The following ASIC5 variants were observed in gnomAD, a reference collection of about 807,000 sequenced individuals.
ASIC5 encodes the protein acid sensing ion channel subunit family member 5, also known as bile acid-sensitive ion channel.
A neutral mutation model predicts 51.2 loss-of-function variants in ASIC5; 52 were observed. The ratio of observed to expected loss-of-function variants is 1.02; its 90% CI spans 0.81 to 1.28. The LOEUF (loss-of-function observed/expected upper bound fraction) is 1.28. ASIC5 is among the 50% of genes most tolerant of loss of function. ASIC5 has a pLI of 0.00. For synonymous variants in ASIC5, 231 were observed against 200.7 expected (o/e 1.15, Z -1.28); for missense variants, 635 against 595.0 (o/e 1.07, Z -0.70).
At chr4:155,861,919 C>A (rs1299482574) in intron 2 of ASIC5, among the ~76,000 whole-genome samples, 2 of 151,922 alleles carry the variant, frequency 1.3e-5, no homozygotes, top group Non-Finnish European at 2.9e-5. Flanking sequence ...TTTGTAATGA[C>A]CCAATTTTAA....
chr4:155,858,191 C>A (rs1428316240), intron 2 of ASIC5, among the ~76,000 whole-genome samples: 1 of 151,944 alleles, frequency 6.6e-6, no homozygotes, highest in East Asian at 1.9e-4. Context: ...AGAATTGATA[C>A]CAAAGAACCA....
At chr4:155,835,271 C>A (rs970602711) in intron 8 of ASIC5, among the ~76,000 whole-genome samples, 1 of 152,168 alleles carries the variant, frequency 6.6e-6, no homozygotes, top group South Asian at 2.1e-4. Context: ...AGCGCTCCCC[C>A]TGGCCTCTGC....
chr4:155,836,616 T>C lies in ASIC5; in HGVS notation c.1235+73A>G, dbSNP rs1286053598. Reference sequence around the variant, plus strand: ...ATTGATTAGAATTTCATTTCCTGAGTCTTTGAGGGTTTTCAATAAAGAAAA... The same window carrying C: ...ATTGATTAGAATTTCATTTCCTGAGCCTTTGAGGGTTTTCAATAAAGAAAA... On this transcript the variant is annotated intron_variant, in intron 8 of 9. Transcript: ENST00000537611. 3 of 887,252 alleles carry C rather than the reference T, an allele frequency of 3.4e-6. No individual in the cohort carries two copies. The African/African-American group carries it at 5.6e-5, about 17-fold the overall frequency. 55.0% of individuals were successfully genotyped at this position (887,252 alleles called of 1,614,324 possible).
rs571948312 is a variant in ASIC5, at chr4:155,863,857, C to T, written c.41-103G>A. 16 of 911,024 alleles carry T rather than the reference C, an allele frequency of 1.8e-5. No individual in the cohort carries two copies. The African/African-American group carries it at 2.2e-4, about 12-fold the overall frequency. The allele number at this position is 911,024 out of a possible 1,614,324, so 56.4% of individuals were successfully genotyped here. A position where few individuals can be genotyped will look rare whatever the true frequency, so the allele number is the denominator to read the frequency against. ...ACTCACATAATTTAAAGAGGTGACT[C>T]TTTTTACTTGTAATTCATAGAAACT... On this transcript the variant is annotated intron_variant, in intron 1 of 9. Transcript: ENST00000537611.
chr4:155,834,084 C>A (rs2111224878), intron 8 of ASIC5, among the ~76,000 whole-genome samples: 1 of 152,200 alleles, frequency 6.6e-6, no homozygotes, highest in Middle Eastern at 3.4e-3. Context: ...TAAGTTAAAA[C>A]AGAACAATTT....
chr4:155,836,829 T>G lies in ASIC5; in HGVS notation c.1095A>C (p.Thr365=). The change falls in exon 8 of 10, where the codon ACA becomes ACC. Residue 365 remains threonine (T), a synonymous_variant. Coordinates refer to ENST00000537611, the MANE Select transcript of ASIC5 (RefSeq NM_017419.3). ...GGCAGCTAGAGTTATGTGTTCCTACTGTACATAAATCCTTAAATTCAATGT... is the reference window on the plus strand; with the variant it reads ...GGCAGCTAGAGTTATGTGTTCCTACGGTACATAAATCCTTAAATTCAATGT... ...LDHIEFKDLC[T]VGTHNSSCPV... 8 of 1,604,274 alleles carry G rather than the reference T, an allele frequency of 5.0e-6. No homozygotes were observed. Among genetic ancestry groups the G allele is most frequent in the Non-Finnish European group, 6.8e-6 (8 of 1,174,066 alleles).
chr4:155,858,282 A>G (rs958412412), intron 2 of ASIC5, among the ~76,000 whole-genome samples: 2 of 152,044 alleles, frequency 1.3e-5, no homozygotes, highest in Non-Finnish European at 2.9e-5. Flanking sequence ...TATTCTTAGG[A>G]GTTTGTCTTT....
At chr4:155,832,473 T>G (rs1268838826) in intron 8 of ASIC5, among the ~76,000 whole-genome samples, 1 of 152,226 alleles carries the variant, frequency 6.6e-6, no homozygotes, top group Non-Finnish European at 1.5e-5. Flanking sequence ...TTAATGTCTG[T>G]TTGAAATCTT....
intron 6 of ASIC5, 129 bp from the exon 7 acceptor site, chr4:155,838,998 A>C (rs992200306): frequency 1.7e-6 from 1 of 582,434 alleles, no homozygotes; most frequent in African/African-American, 1.9e-5. Flanking sequence ...CTATATGAAC[A>C]TCTATTCTTT....
At chr4:155,833,182 G>A (rs1387200432) in intron 8 of ASIC5, among the ~76,000 whole-genome samples, 1 of 152,042 alleles carries the variant, frequency 6.6e-6, no homozygotes, top group Non-Finnish European at 1.5e-5. Context: ...ATGTAAAATG[G>A]ACAAATAAGG....
intron 4 of ASIC5, among the ~76,000 whole-genome samples, chr4:155,848,017 A>G (rs1741296777): frequency 6.6e-6 from 1 of 152,096 alleles, no homozygotes; most frequent in African/African-American, 2.4e-5. Flanking sequence ...GGCTTATGGA[A>G]GTTATATTTT....
At chr4:155,865,255 A>C (rs1741833018) in intron 1 of ASIC5, among the ~76,000 whole-genome samples, 1 of 152,090 alleles carries the variant, frequency 6.6e-6, no homozygotes, top group Admixed American at 6.6e-5. Flanking sequence ...CACCGTTATT[A>C]ATGTTGTTTT....
Position 155,852,262 on chromosome 4 carries a change from C to T in ASIC5, c.640G>A (p.Glu214Lys), listed in dbSNP as rs200759770. ...ACTTTTCTCTTTGCTTGGAGAGTTT[C>T]ACCATGATTAAAAGTAAAACAATTT... ...YGNCFTFNHG[E>K]TLQAKRKVSV... Residue 214 changes from glutamate (E) to lysine (K), a missense_variant, in exon 4 of 10, where the codon GAA becomes AAA. Transcript: ENST00000537611. 1.9e-6 allele frequency: 3 copies of T among 1,602,878 alleles called. No individual in the cohort carries two copies. The highest frequency in any genetic ancestry group is 1.4e-5 in the African/African-American group (1 of 74,070).
At chr4:155,862,642 G>A (rs1404939607) in intron 2 of ASIC5, among the ~76,000 whole-genome samples, 2 of 152,110 alleles carry the variant, frequency 1.3e-5, no homozygotes, top group Non-Finnish European at 2.9e-5. Flanking sequence ...TCTGGAATGA[G>A]TTGCAGTCAA....
At chr4:155,860,121 A>G (rs1741660670) in intron 2 of ASIC5, among the ~76,000 whole-genome samples, 1 of 152,038 alleles carries the variant, frequency 6.6e-6, no homozygotes, top group South Asian at 2.1e-4. Flanking sequence ...TAATCCACAG[A>G]TAAAAATTTA....
chr4:155,836,737 G>C lies in ASIC5; in HGVS notation c.1187C>G (p.Ala396Gly). The change falls in exon 8 of 10, where the codon GCT (alanine) becomes GGT (glycine). Residue 396 changes from alanine to glycine, a missense_variant. Ala to Gly is a moderately conservative substitution (Grantham distance 60). Transcript: ENST00000537611. ...CAACTTCTTGGAAAGATATTTCAAAGCTTTTTGACTTGGAAAAGAGGAATA... is the reference window on the plus strand; with the variant it reads ...CAACTTCTTGGAAAGATATTTCAAACCTTTTTGACTTGGAAAAGAGGAATA... Reference protein sequence around the residue: ...ISYSSFPSQKALKYLSKKLNQ... With the variant: ...ISYSSFPSQKGLKYLSKKLNQ... The C allele has an allele frequency of 6.2e-7, 1 of 1,611,706 alleles. No homozygotes were observed. Among genetic ancestry groups the C allele is most frequent in the Non-Finnish European group, 8.5e-7 (1 of 1,178,152 alleles).
intron 4 of ASIC5, among the ~76,000 whole-genome samples, chr4:155,848,367 G>T (rs1231374750): frequency 6.6e-6 from 1 of 151,792 alleles, no homozygotes; most frequent in Admixed American, 6.6e-5. Context: ...ACATAATTTG[G>T]CTTACTTGGT....
intron 3 of ASIC5, among the ~76,000 whole-genome samples, chr4:155,853,368 C>T (rs1741430102): frequency 6.6e-6 from 1 of 151,866 alleles, no homozygotes; most frequent in Non-Finnish European, 1.5e-5. Context: ...GTTCCCCTAA[C>T]AACACAGGCT....
intron 6 of ASIC5, among the ~76,000 whole-genome samples, chr4:155,839,132 G>A (rs757352705): frequency 5.3e-5 from 8 of 151,922 alleles, no homozygotes; most frequent in Non-Finnish European, 1.2e-4. Flanking sequence ...ATCTTTAAGC[G>A]GGAATAATAA....
Sources: allele counts gnomAD v4.1 joint callset (sites outside exome capture counted in the v4.1 genomes callset), GRCh38; gene constraint gnomAD v4.1.1; transcripts MANE v1.5; gene names NCBI Gene and HGNC (gene_info 2026-07-23, HGNC 2026-07-21).